Variants in MBOAT2 observed in about 807,000 individuals in gnomAD.
The protein encoded by MBOAT2 is membrane-bound glycerophospholipid O-acyltransferase 2.
MBOAT2 carries 28 observed loss-of-function variants against 63.4 expected under a neutral mutation model. The ratio of observed to expected loss-of-function variants is 0.44; its 90% CI spans 0.33 to 0.61. MBOAT2 has a LOEUF of 0.61. Ranked by LOEUF, MBOAT2 falls within the 20% of genes least tolerant of loss-of-function variation. MBOAT2 has a pLI of 0.03. For missense variants in MBOAT2, 470 were observed against 605.8 expected, an observed-to-expected ratio of 0.78 and a Z score of 2.35; for synonymous variants, 211 against 215.6, an observed-to-expected ratio of 0.98 and a Z score of 0.19.
intron 2 of MBOAT2, among the ~76,000 whole-genome samples, chr2:8,955,391 G>A (rs1669143704): frequency 6.6e-6 from 1 of 152,260 alleles, no homozygotes; most frequent in South Asian, 2.1e-4. Flanking sequence ...TCATAGAGAA[G>A]GTCTCCCTGC....
At chr2:8,974,689 T>C (rs1019132628) in intron 1 of MBOAT2, among the ~76,000 whole-genome samples, 1 of 152,194 alleles carries the variant, frequency 6.6e-6, no homozygotes, top group Non-Finnish European at 1.5e-5. Context: ...TGATATTTCA[T>C]GGGCATTTAT....
chr2:8,943,696 A>T (rs901150258), intron 2 of MBOAT2, among the ~76,000 whole-genome samples: 4 of 152,250 alleles, frequency 2.6e-5, no homozygotes, highest in Admixed American at 1.3e-4. Flanking sequence ...CCTTTTTAAC[A>T]ATATGACTGA....
intron 1 of MBOAT2, among the ~76,000 whole-genome samples, chr2:8,990,680 A>C (rs1671863987): frequency 6.6e-6 from 1 of 152,224 alleles, no homozygotes; most frequent in Admixed American, 6.5e-5. Flanking sequence ...AATTCCTTCA[A>C]TTCACATAAA....
At chr2:8,966,074 G>A (rs1669956822) in intron 1 of MBOAT2, among the ~76,000 whole-genome samples, 1 of 152,084 alleles carries the variant, frequency 6.6e-6, no homozygotes, top group African/African-American at 2.4e-5. Context: ...TCCCTCCCAA[G>A]GTGAACAGCC....
intron 6 of MBOAT2, among the ~76,000 whole-genome samples, chr2:8,880,056 T>C (rs1662998477): frequency 3.3e-5 from 5 of 151,858 alleles, no homozygotes; most frequent in Admixed American, 2.6e-4. Flanking sequence ...TATTCTAAAT[T>C]ATAGGGGAAG....
chr2:8,874,464 CTTTAAT>C (rs1051562506), intron 7 of MBOAT2, among the ~76,000 whole-genome samples: 4 of 152,132 alleles, frequency 2.6e-5, no homozygotes, highest in African/African-American at 9.7e-5. Context: ...TGGCCCCATA[CTTTAAT>C]TTTAAAATGA....
intron 1 of MBOAT2, among the ~76,000 whole-genome samples, chr2:8,997,428 C>G (rs889962052): frequency 6.6e-6 from 1 of 152,200 alleles, no homozygotes; most frequent in African/African-American, 2.4e-5. Context: ...AGAAAAACCA[C>G]TTTTGACTCC....
chr2:8,891,325 A>T (rs186328015), intron 4 of MBOAT2, among the ~76,000 whole-genome samples: 2 of 152,374 alleles, frequency 1.3e-5, no homozygotes, highest in African/African-American at 4.8e-5. Flanking sequence ...TGAGCAGATT[A>T]AAGAGAGCTC....
intron 1 of MBOAT2, among the ~76,000 whole-genome samples, chr2:8,984,626 T>C (rs899341171): frequency 6.6e-6 from 1 of 151,962 alleles, no homozygotes; most frequent in East Asian, 1.9e-4. Flanking sequence ...AGGGAGGATG[T>C]ACTAGTACAG....
chr2:8,999,608 A>C (rs1672546311), intron 1 of MBOAT2, among the ~76,000 whole-genome samples: 1 of 152,238 alleles, frequency 6.6e-6, no homozygotes, highest in Non-Finnish European at 1.5e-5. Flanking sequence ...AGATACCTTC[A>C]GTGATTCCTG....
intron 1 of MBOAT2, among the ~76,000 whole-genome samples, chr2:8,973,551 C>CT (rs1670602583): frequency 7.6e-6 from 1 of 131,806 alleles, no homozygotes; most frequent in South Asian, 2.3e-4. Flanking sequence ...GTAACTCAAG[C>CT]TAAAAAAAAA....
At chr2:8,894,910 G>T (rs955953195) in intron 4 of MBOAT2, among the ~76,000 whole-genome samples, 4 of 151,746 alleles carry the variant, frequency 2.6e-5, no homozygotes, top group African/African-American at 9.7e-5. Context: ...TGGTCTCCCC[G>T]ACTTCAGGAG....
At chr2:9,002,315 G>A (rs1194213548) in intron 1 of MBOAT2, among the ~76,000 whole-genome samples, 1 of 152,142 alleles carries the variant, frequency 6.6e-6, no homozygotes, top group Non-Finnish European at 1.5e-5. Context: ...ACACTCCTTC[G>A]ACATACTTAA....
At chr2:8,904,834 T>C (rs900711908) in intron 4 of MBOAT2, among the ~76,000 whole-genome samples, 3 of 152,254 alleles carry the variant, frequency 2.0e-5, no homozygotes, top group Admixed American at 1.3e-4. Context: ...TTAGTTGTTT[T>C]ATACTTCTCT....
At chr2:8,988,644 G>A (rs1173827890) in intron 1 of MBOAT2, among the ~76,000 whole-genome samples, 1 of 152,064 alleles carries the variant, frequency 6.6e-6, no homozygotes, top group Non-Finnish European at 1.5e-5. Context: ...AGCTTGTTTA[G>A]TATGCCAACA....
intron 3 of MBOAT2, among the ~76,000 whole-genome samples, chr2:8,924,227 G>A (rs1311954536): frequency 6.6e-6 from 1 of 151,966 alleles, no homozygotes; most frequent in African/African-American, 2.4e-5. Context: ...AGAACACTTG[G>A]GGTCCTCTGT....
At chr2:8,888,465 C>T (rs1663729048) in intron 4 of MBOAT2, among the ~76,000 whole-genome samples, 1 of 152,164 alleles carries the variant, frequency 6.6e-6, no homozygotes, top group Admixed American at 6.6e-5. Context: ...TTCAACATAT[C>T]ATGGACAGAC....
chr2:8,908,431 C>G, intron 4 of MBOAT2, 190 bp downstream of exon 4: 1 of 461,084 alleles, frequency 2.2e-6, no homozygotes. Context: ...CAGAACAAGG[C>G]TCTTACTGAC....
chr2:8,966,728 A>G (rs1340774038), intron 1 of MBOAT2, among the ~76,000 whole-genome samples: 1 of 152,214 alleles, frequency 6.6e-6, no homozygotes, highest in African/African-American at 2.4e-5. Flanking sequence ...ACAATACCAA[A>G]TGCAGACTAC....
Sources: allele counts gnomAD v4.1 joint callset (sites outside exome capture counted in the v4.1 genomes callset), GRCh38; gene constraint gnomAD v4.1.1; transcripts MANE v1.5; gene names NCBI Gene and HGNC (gene_info 2026-07-23, HGNC 2026-07-21).